The following COL24A1 variants were observed in gnomAD, a reference collection of about 807,000 sequenced individuals.
The protein encoded by COL24A1 is collagen alpha-1(XXIV) chain.
Under a neutral mutation model 253.9 loss-of-function variants are expected in COL24A1, and 224 were observed. The ratio of observed to expected loss-of-function variants is 0.88; its 90% CI spans 0.79 to 0.99. COL24A1 has a LOEUF of 0.99. Ranked by LOEUF, COL24A1 falls within the 50% of genes least tolerant of loss-of-function variation. COL24A1 has a pLI of 0.00. For synonymous variants in COL24A1, 685 were observed against 673.7 expected, an observed-to-expected ratio of 1.02 and a Z score of -0.26; for missense variants, 2,131 against 2,068.5, an observed-to-expected ratio of 1.03 and a Z score of -0.59.
At chr1:85,922,601 T>A (rs1050134953) in intron 24 of COL24A1, among the ~76,000 whole-genome samples, 3 of 152,116 alleles carry the variant, frequency 2.0e-5, no homozygotes, top group Non-Finnish European at 4.4e-5. Flanking sequence ...ATAAAATCCT[T>A]TACAGACAAG....
At chr1:85,809,653 C>A (rs1428971946) in intron 47 of COL24A1, among the ~76,000 whole-genome samples, 1 of 151,832 alleles carries the variant, frequency 6.6e-6, no homozygotes, top group Non-Finnish European at 1.5e-5. Context: ...CCTCTGTGGA[C>A]TTTGGAGTCA....
intron 52 of COL24A1, 46 bp from the exon 53 acceptor site, chr1:85,775,755 C>A (rs374747073): frequency 6.6e-7 from 1 of 1,506,710 alleles, no homozygotes; most frequent in Non-Finnish European, 9.1e-7. Context: ...TTGATAGTTA[C>A]GTATTAAATG....
intron 19 of COL24A1, among the ~76,000 whole-genome samples, chr1:86,007,407 G>A (rs1343035078): frequency 6.6e-6 from 1 of 152,108 alleles, no homozygotes; most frequent in Non-Finnish European, 1.5e-5. Flanking sequence ...TTGGAAGACG[G>A]AGTTTATTAC....
At chr1:85,953,868 TA>T (rs1030644247) in intron 24 of COL24A1, among the ~76,000 whole-genome samples, 12 of 152,266 alleles carry the variant, frequency 7.9e-5, no homozygotes, top group African/African-American at 2.4e-4. Context: ...CAGAGGTTAT[TA>T]AAAAATATTA....
rs188825073 is a variant in COL24A1, at chr1:85,911,149, C to T, written c.2616+231G>A. Among the ~76,000 whole-genome samples, 87 of 151,960 alleles carry T rather than the reference C, an allele frequency of 5.7e-4. 1 individual carries two copies. In the South Asian group the frequency reaches 0.018, roughly 31 times the overall value. Reference sequence around the variant, plus strand: ...TTCTAGTCAGAAATCTAGACTGTTCCATCTTTTCTCTTCAGATCACATCTT... The same window carrying T: ...TTCTAGTCAGAAATCTAGACTGTTCTATCTTTTCTCTTCAGATCACATCTT... On this transcript the variant is annotated intron_variant, in intron 25 of 59. Transcript: ENST00000370571.
chr1:86,002,895 C>A (rs1043293799), intron 19 of COL24A1, among the ~76,000 whole-genome samples: 2 of 152,102 alleles, frequency 1.3e-5, no homozygotes, highest in African/African-American at 4.8e-5. Flanking sequence ...CATTCTATAC[C>A]TAGGAATACT....
intron 14 of COL24A1, among the ~76,000 whole-genome samples, chr1:86,028,530 C>G (rs967671285): frequency 2.6e-5 from 4 of 152,186 alleles, no homozygotes; most frequent in Non-Finnish European, 5.9e-5. Context: ...CCTGCTTTTC[C>G]TTTGTCTTCC....
At chr1:86,115,446 A>G in intron 3 of COL24A1, 68 bp from the exon 4 acceptor site, 1 of 1,464,140 alleles carries the variant, frequency 6.8e-7, no homozygotes, top group Non-Finnish European at 9.5e-7. Flanking sequence ...GAGTCTGAAT[A>G]AGATTTCCAC....
At chr1:85,786,227 T>C in intron 48 of COL24A1, 127 bp downstream of exon 48, 1 of 710,540 alleles carries the variant, frequency 1.4e-6, no homozygotes, top group South Asian at 2.7e-5. Context: ...TTTCCTAACG[T>C]GCTTTTACTA....
chr1:85,747,886 AT>A (rs1277061003), intron 55 of COL24A1, among the ~76,000 whole-genome samples: 1 of 152,144 alleles, frequency 6.6e-6, no homozygotes, highest in African/African-American at 2.4e-5. Context: ...TTATACTTTC[AT>A]AGGTCTTTTG....
intron 47 of COL24A1, among the ~76,000 whole-genome samples, chr1:85,814,345 G>A (rs192694735): frequency 6.6e-6 from 1 of 152,196 alleles, no homozygotes; most frequent in East Asian, 1.9e-4. Flanking sequence ...AAGGTTTAGA[G>A]TGGCATTGAA....
At position 85,802,747 on chromosome 1, in the gene COL24A1, C is replaced by T. The variant is rs184054443; in HGVS notation, c.3951+14041G>A. Among the ~76,000 whole-genome samples, 56 of 152,286 alleles carry T rather than the reference C, an allele frequency of 3.7e-4. No individual in the cohort carries two copies. The East Asian group carries it at 9.6e-3, about 26-fold the overall frequency. On this transcript the variant is annotated intron_variant, in intron 47 of 59. Coordinates refer to ENST00000370571, the MANE Select transcript of COL24A1 (RefSeq NM_152890.7). Reference sequence around the variant, plus strand: ...CCTCCTTTCCACACCTCCCCACATGCACTTCTATCTCCTGAAAACCCGATT... The same window carrying T: ...CCTCCTTTCCACACCTCCCCACATGTACTTCTATCTCCTGAAAACCCGATT...
At chr1:86,120,960 C>T (rs1447172080) in intron 3 of COL24A1, among the ~76,000 whole-genome samples, 3 of 152,052 alleles carry the variant, frequency 2.0e-5, no homozygotes, top group Non-Finnish European at 4.4e-5. Context: ...TAGTATGCAG[C>T]CTTAAAAAAG....
intron 48 of COL24A1, 123 bp downstream of exon 48, chr1:85,786,231 T>C: frequency 1.2e-6 from 1 of 801,940 alleles, no homozygotes; most frequent in Non-Finnish European, 1.9e-6. Flanking sequence ...CTAACGTGCT[T>C]TTACTATTAG....
intron 55 of COL24A1, among the ~76,000 whole-genome samples, chr1:85,754,787 G>A (rs1347025797): frequency 5.3e-5 from 8 of 149,824 alleles, no homozygotes; most frequent in African/African-American, 2.0e-4. Context: ...TTGAGGAGTG[G>A]AAAAAAAAAT....
chr1:85,939,073 A>G (rs781334644), intron 24 of COL24A1, among the ~76,000 whole-genome samples: 10 of 152,212 alleles, frequency 6.6e-5, no homozygotes, highest in Middle Eastern at 3.4e-3. Context: ...GTTTTTCTCT[A>G]ACTGTGGAAC....
intron 35 of COL24A1, 25 bp downstream of exon 35, chr1:85,874,623 TA>T (rs752479252): frequency 1.2e-6 from 2 of 1,608,918 alleles, no homozygotes; most frequent in Non-Finnish European, 1.7e-6. Context: ...GTTAGTGTAT[TA>T]AAAGAGTTTC....
At chr1:86,017,493 A>C (rs1697112719) in intron 18 of COL24A1, among the ~76,000 whole-genome samples, 1 of 152,226 alleles carries the variant, frequency 6.6e-6, no homozygotes, top group Non-Finnish European at 1.5e-5. Flanking sequence ...TGTTTCACAG[A>C]GATAAGACAA....
chr1:86,008,395 C>A (rs1340720052), intron 19 of COL24A1, among the ~76,000 whole-genome samples: 2 of 152,144 alleles, frequency 1.3e-5, no homozygotes, highest in African/African-American at 2.4e-5. Context: ...TAAATGCACA[C>A]CACCATGCCA....
Sources: gnomAD v4.1 joint callset for allele counts (sites outside exome capture counted in the v4.1 genomes callset) on GRCh38, gnomAD v4.1.1 for gene constraint, MANE v1.5 for transcripts, NCBI Gene and HGNC (gene_info 2026-07-23, HGNC 2026-07-21) for gene names.